Variants in UVRAG observed in about 807,000 individuals in gnomAD.
The protein encoded by UVRAG is UV radiation resistance associated.
In UVRAG, 19 loss-of-function variants were observed where a neutral mutation model predicts 78.0. That is an observed-to-expected ratio of 0.24 (90% CI 0.17 to 0.36). UVRAG has a LOEUF of 0.36. Ranked by LOEUF, UVRAG falls within the 10% of genes least tolerant of loss-of-function variation. The pLI, the probability that UVRAG is intolerant of heterozygous loss-of-function variation, is 1.00. For synonymous variants in UVRAG, 323 were observed against 324.6 expected, an observed-to-expected ratio of 1.00 and a Z score of 0.05; for missense variants, 740 against 853.8, an observed-to-expected ratio of 0.87 and a Z score of 1.66.
chr11:76,096,052 A>G (rs977854957), intron 13 of UVRAG, among the ~76,000 whole-genome samples: 15 of 152,148 alleles, frequency 9.9e-5, no homozygotes, highest in African/African-American at 3.6e-4. Context: ...AGAGGGTAGC[A>G]CTTGCTAAGT....
chr11:76,124,515 G>T (rs1490121681), intron 14 of UVRAG, among the ~76,000 whole-genome samples: 2 of 152,190 alleles, frequency 1.3e-5, no homozygotes, highest in African/African-American at 4.8e-5. Context: ...AACTTATTTT[G>T]TTTTAGGGCC....
chr11:76,117,302 A>G (rs560476330), intron 14 of UVRAG, among the ~76,000 whole-genome samples: 12 of 152,318 alleles, frequency 7.9e-5, no homozygotes, highest in African/African-American at 2.9e-4. Context: ...ACACTAAATG[A>G]ATCTTGCTCA....
intron 13 of UVRAG, among the ~76,000 whole-genome samples, chr11:76,071,390 A>G (rs556790955): frequency 2.6e-5 from 4 of 152,294 alleles, no homozygotes; most frequent in Admixed American, 2.6e-4. Context: ...TGGAAGGCTG[A>G]TGTGGCAGGA....
chr11:76,127,026 T>C (rs1323026091), intron 14 of UVRAG, among the ~76,000 whole-genome samples: 1 of 152,244 alleles, frequency 6.6e-6, no homozygotes, highest in Admixed American at 6.5e-5. Context: ...GATTACTTGA[T>C]TCCCTTCTTC....
chr11:76,058,806 C>T, intron 12 of UVRAG, among the ~76,000 whole-genome samples: 1 of 152,048 alleles, frequency 6.6e-6, no homozygotes. Context: ...CTGGAGTGGT[C>T]AAGGGCAATT....
At chr11:75,989,122 G>A (rs557436696) in intron 8 of UVRAG, among the ~76,000 whole-genome samples, 8 of 151,944 alleles carry the variant, frequency 5.3e-5, no homozygotes, top group Admixed American at 2.0e-4. Flanking sequence ...GTGCACTGGT[G>A]TCATCTCAGC....
chr11:75,965,436 C>T (rs956959757), intron 7 of UVRAG, among the ~76,000 whole-genome samples: 2 of 152,172 alleles, frequency 1.3e-5, no homozygotes, highest in African/African-American at 2.4e-5. Flanking sequence ...CTCAGCCTCC[C>T]GAGTAGCTGG....
intron 14 of UVRAG, among the ~76,000 whole-genome samples, chr11:76,139,942 T>C (rs1952675617): frequency 6.6e-6 from 1 of 151,632 alleles, no homozygotes; most frequent in African/African-American, 2.4e-5. Context: ...AAAACATATG[T>C]GTGGCTAGCC....
chr11:75,841,086 G>A (rs1294209671), intron 1 of UVRAG, among the ~76,000 whole-genome samples: 6 of 152,182 alleles, frequency 3.9e-5, no homozygotes, highest in East Asian at 3.9e-4. Context: ...AAATTTGCCC[G>A]AAATAATCTG....
At chr11:75,820,450 G>A (rs1452750316) in intron 1 of UVRAG, among the ~76,000 whole-genome samples, 3 of 151,910 alleles carry the variant, frequency 2.0e-5, no homozygotes, top group Non-Finnish European at 4.4e-5. Context: ...CGCCTTTCAG[G>A]TTCAAGCGAT....
intron 12 of UVRAG, among the ~76,000 whole-genome samples, chr11:76,021,457 A>G (rs1309215489): frequency 6.6e-6 from 1 of 152,144 alleles, no homozygotes; most frequent in East Asian, 1.9e-4. Flanking sequence ...TTCTTTTCAA[A>G]GAAAAGACTT....
chr11:75,956,378 C>G (rs913794442), intron 6 of UVRAG, among the ~76,000 whole-genome samples: 4 of 146,178 alleles, frequency 2.7e-5, no homozygotes, highest in African/African-American at 1.0e-4. Flanking sequence ...AAAGTAATTG[C>G]AATTCTTGCC....
rs115336751 is a variant in UVRAG at position 76,050,205 on chromosome 11, T to C, written c.1227-15505T>C. ...TTCTCTCAACCAAATAATTTTTCTTTTGAGCAGAACTCAAAGCACTTTCTA... is the reference window on the plus strand; with the variant it reads ...TTCTCTCAACCAAATAATTTTTCTTCTGAGCAGAACTCAAAGCACTTTCTA... On this transcript the variant is annotated intron_variant, in intron 12 of 14. Coordinates refer to ENST00000356136, the MANE Select transcript of UVRAG (RefSeq NM_003369.4). 9.1e-3 allele frequency among the ~76,000 whole-genome samples: 1,380 copies of C among 152,312 alleles called. 19 individuals carry two copies. Among genetic ancestry groups the C allele is most frequent in the African/African-American group, 0.032 (1,315 of 41,574 alleles).
intron 13 of UVRAG, among the ~76,000 whole-genome samples, chr11:76,067,494 T>C (rs1951213693): frequency 6.6e-6 from 1 of 152,032 alleles, no homozygotes; most frequent in Admixed American, 6.6e-5. Context: ...TGGTGGCTCA[T>C]GCCTGTAATC....
At chr11:76,107,134 T>A (rs1951985745) in intron 13 of UVRAG, among the ~76,000 whole-genome samples, 1 of 152,260 alleles carries the variant, frequency 6.6e-6, no homozygotes, top group African/African-American at 2.4e-5. Context: ...TTCTAGTTGC[T>A]TTCTGGCCAA....
At chr11:75,878,900 A>G (rs188856413) in intron 3 of UVRAG, among the ~76,000 whole-genome samples, 1,314 of 81,360 alleles carry the variant, frequency 0.016, 40 homozygotes, top group African/African-American at 0.052. Context: ...GGACAGGGAC[A>G]GGGAGGGGGA....
chr11:75,956,332 C>T (rs1385771389), intron 6 of UVRAG, among the ~76,000 whole-genome samples: 1 of 150,386 alleles, frequency 6.6e-6, no homozygotes, highest in Non-Finnish European at 1.5e-5. Context: ...CTAATAATTT[C>T]TAAAAAATGG....
At chr11:75,848,699 T>C (rs962099166) in intron 1 of UVRAG, among the ~76,000 whole-genome samples, 33 of 152,232 alleles carry the variant, frequency 2.2e-4, no homozygotes, top group African/African-American at 7.5e-4. Context: ...GTTATTTCCT[T>C]GTGTTCTGTA....
intron 7 of UVRAG, among the ~76,000 whole-genome samples, chr11:75,973,945 C>A (rs1190085906): frequency 1.3e-5 from 2 of 152,184 alleles, no homozygotes; most frequent in African/African-American, 4.8e-5. Context: ...TTTCTTAATC[C>A]AGTCTATCAT....
Sources: allele counts gnomAD v4.1 joint callset (sites outside exome capture counted in the v4.1 genomes callset), GRCh38; gene constraint gnomAD v4.1.1; transcripts MANE v1.5; gene names NCBI Gene and HGNC (gene_info 2026-07-23, HGNC 2026-07-21).